Variants in RIMBP2 observed in about 807,000 individuals in gnomAD.
The protein encoded by RIMBP2 is RIMS-binding protein 2.
RIMBP2 carries 48 observed loss-of-function variants against 118.6 expected under a neutral mutation model. That is an observed-to-expected ratio of 0.40 (90% CI 0.32 to 0.51). The LOEUF (loss-of-function observed/expected upper bound fraction) is 0.51. Among genes scored for constraint, RIMBP2 ranks in the 20% least tolerant of loss-of-function variants. The pLI is 0.41. For missense variants in RIMBP2, 1,551 were observed against 1,768.3 expected, an observed-to-expected ratio of 0.88 and a Z score of 2.20; for synonymous variants, 762 against 742.9, an observed-to-expected ratio of 1.03 and a Z score of -0.42.
At position 130,434,034 on chromosome 12, in the gene RIMBP2, G is replaced by A. The variant is rs1407345316; in HGVS notation, c.2253+700C>T. Among the ~76,000 whole-genome samples the A allele has an allele frequency of 6.6e-6, 1 of 152,210 alleles. No homozygotes were observed. The highest frequency in any genetic ancestry group is 1.5e-5 in the Non-Finnish European group (1 of 68,040). ...AGCCGGGACATAAACCCAGGCCTGAGAGATGCCAGTCCCCCTCTCCGGGTA... is the reference window on the plus strand; with the variant it reads ...AGCCGGGACATAAACCCAGGCCTGAAAGATGCCAGTCCCCCTCTCCGGGTA... On this transcript the variant is annotated intron_variant, in intron 14 of 22. Coordinates refer to ENST00000690449, the MANE Select transcript of RIMBP2 (RefSeq NM_001393629.1). This position sits in a 1 kb window ranked among gnomAD's most constrained non-coding sequence, Gnocchi z 5.7.
chr12:130,638,424 C>T (rs571645692), intron 1 of RIMBP2, among the ~76,000 whole-genome samples: 3 of 152,308 alleles, frequency 2.0e-5, no homozygotes, highest in African/African-American at 4.8e-5. Context: ...GGTCCCGAAG[C>T]CCCGAGCTGC....
chr12:130,485,950 T>A (rs2082435753), intron 4 of RIMBP2, among the ~76,000 whole-genome samples: 1 of 152,186 alleles, frequency 6.6e-6, no homozygotes, highest in African/African-American at 2.4e-5. Flanking sequence ...CACTCGGCCC[T>A]CGAAGACAGC....
intron 6 of RIMBP2, among the ~76,000 whole-genome samples, chr12:130,460,871 G>A (rs761550126): frequency 9.9e-5 from 15 of 152,098 alleles, no homozygotes; most frequent in Non-Finnish European, 1.6e-4. Flanking sequence ...CTTGAGCCCC[G>A]TCCCACAGTC....
chr12:130,404,853 C>T (rs902631892), intron 21 of RIMBP2, among the ~76,000 whole-genome samples: 2 of 152,098 alleles, frequency 1.3e-5, no homozygotes, highest in African/African-American at 2.4e-5. Context: ...ATAATTAAGA[C>T]AGCATGGAGT....
chr12:130,694,468 C>T (rs528684284), intron 1 of RIMBP2, among the ~76,000 whole-genome samples: 1 of 152,230 alleles, frequency 6.6e-6, no homozygotes, highest in African/African-American at 2.4e-5. Flanking sequence ...CACTGCTGCT[C>T]GTGATCTCAC....
chr12:130,472,974 C>A (rs915252009), intron 5 of RIMBP2, among the ~76,000 whole-genome samples: 2 of 152,006 alleles, frequency 1.3e-5, no homozygotes, highest in Non-Finnish European at 2.9e-5. Context: ...GAAAAAGAGA[C>A]AAACAAGCAG....
At chr12:130,411,331 T>C (rs779986646) in intron 19 of RIMBP2, among the ~76,000 whole-genome samples, 11 of 152,152 alleles carry the variant, frequency 7.2e-5, no homozygotes, top group Non-Finnish European at 1.5e-4. Flanking sequence ...TTCCAGTCTG[T>C]ACACCAGGTG....
chr12:130,566,179 A>G (rs2057204925), intron 2 of RIMBP2, among the ~76,000 whole-genome samples: 1 of 151,086 alleles, frequency 6.6e-6, no homozygotes. Flanking sequence ...ACACATGCAC[A>G]CACACACACA....
chr12:130,451,898 G>A (rs1417361900), intron 7 of RIMBP2, among the ~76,000 whole-genome samples: 1 of 152,176 alleles, frequency 6.6e-6, no homozygotes, highest in Non-Finnish European at 1.5e-5. Context: ...TTATGACCCT[G>A]AGTCCTAACT....
At chr12:130,493,578 G>A (rs1226670555) in intron 4 of RIMBP2, among the ~76,000 whole-genome samples, 1 of 152,140 alleles carries the variant, frequency 6.6e-6, no homozygotes, top group East Asian at 1.9e-4. Flanking sequence ...ACCTCCCAAA[G>A]TGCTGGGATT....
chr12:130,582,978 C>T (rs2058576461), intron 2 of RIMBP2, among the ~76,000 whole-genome samples: 1 of 152,204 alleles, frequency 6.6e-6, no homozygotes, highest in African/African-American at 2.4e-5. Flanking sequence ...ACGTCCTCTT[C>T]TATACTTAAG....
At chr12:130,522,792 A>T (rs1366796792) in intron 2 of RIMBP2, among the ~76,000 whole-genome samples, 1 of 152,070 alleles carries the variant, frequency 6.6e-6, no homozygotes, top group South Asian at 2.1e-4. Flanking sequence ...ACTGAATTGC[A>T]TCTCCCCAAA....
At chr12:130,531,895 G>T (rs1293329829) in intron 2 of RIMBP2, among the ~76,000 whole-genome samples, 1 of 151,014 alleles carries the variant, frequency 6.6e-6, no homozygotes, top group African/African-American at 2.4e-5. Context: ...AGATGCGTAT[G>T]TTTAGCCTCT....
intron 1 of RIMBP2, among the ~76,000 whole-genome samples, chr12:130,682,538 G>A (rs893094471): frequency 6.6e-6 from 1 of 152,242 alleles, no homozygotes; most frequent in Non-Finnish European, 1.5e-5. Flanking sequence ...CACCAGGGGT[G>A]TTTAATAAAA....
chr12:130,681,291 A>AT lies in RIMBP2; in HGVS notation c.-352+34930_-352+34931insA, dbSNP rs201032407. 3.8e-3 allele frequency among the ~76,000 whole-genome samples: 539 copies of AT among 141,184 alleles called. 4 individuals are homozygous for AT. Among genetic ancestry groups the AT allele is most frequent in the East Asian group, 0.02 (96 of 4,710 alleles). 92.6% of individuals were successfully genotyped at this position (141,184 alleles called of 152,430 possible). A position where few individuals can be genotyped will look rare whatever the true frequency, so the allele number is the denominator to read the frequency against. On this transcript the variant is annotated intron_variant, in intron 1 of 22. Transcript: ENST00000690449. ...AGACCCTATCTCTAAAAAAAAATAA[A>AT]AAATAAAAATAAATGCATGTACTTT...
intron 11 of RIMBP2, 23 bp from the exon 12 acceptor site, chr12:130,438,539 G>C: frequency 7.7e-6 from 12 of 1,561,282 alleles, no homozygotes; most frequent in Non-Finnish European, 9.5e-6. Context: ...AGAAGGGAAC[G>C]GAGGCGTTCA....
chr12:130,646,185 C>G (rs1245089321), intron 1 of RIMBP2, among the ~76,000 whole-genome samples: 6 of 77,648 alleles, frequency 7.7e-5, no homozygotes, highest in African/African-American at 2.0e-4. Flanking sequence ...CTCTCCACCT[C>G]CCTCACCACT....
chr12:130,550,268 C>T (rs762363317), intron 2 of RIMBP2, among the ~76,000 whole-genome samples: 10 of 152,064 alleles, frequency 6.6e-5, no homozygotes, highest in Admixed American at 5.9e-4. Context: ...CTAAAGGGGA[C>T]CTACAACTTG....
At chr12:130,558,628 T>C (rs1457943405) in intron 2 of RIMBP2, among the ~76,000 whole-genome samples, 1 of 152,052 alleles carries the variant, frequency 6.6e-6, no homozygotes, top group African/African-American at 2.4e-5. Flanking sequence ...AGACCGAGAA[T>C]GCAGCCAGCC....
Sources: allele counts gnomAD v4.1 joint callset (sites outside exome capture counted in the v4.1 genomes callset), GRCh38; gene constraint gnomAD v4.1.1; non-coding constraint Gnocchi (gnomAD v3.1); transcripts MANE v1.5; gene names NCBI Gene and HGNC (gene_info 2026-07-23, HGNC 2026-07-21).